Variants in SLC10A6 observed in about 807,000 individuals in gnomAD.
The protein encoded by SLC10A6 is sodium-dependent organic anion transporter.
A neutral mutation model predicts 30.0 loss-of-function variants in SLC10A6; 27 were observed. The observed-to-expected ratio is 0.90, with a 90% CI of 0.66 to 1.24. The LOEUF (loss-of-function observed/expected upper bound fraction) is 1.24. Among genes scored for constraint, SLC10A6 ranks in the 50% most tolerant of loss-of-function variants. SLC10A6 has a pLI of 0.00. For missense variants in SLC10A6, 439 were observed against 457.0 expected, an observed-to-expected ratio of 0.96 and a Z score of 0.36; for synonymous variants, 166 against 173.8, an observed-to-expected ratio of 0.95 and a Z score of 0.36.
At position 86,838,718 on chromosome 4, in the gene SLC10A6, T is replaced by A. The variant is rs181679891; in HGVS notation, c.378-5294A>T. Among the ~76,000 whole-genome samples, 61 of 150,926 alleles carry A rather than the reference T, an allele frequency of 4.0e-4. No individual in the cohort carries two copies. The East Asian group carries it at 0.011, about 28-fold the overall frequency. On this transcript the variant is annotated intron_variant, in intron 1 of 5. Transcript: ENST00000273905. Reference sequence around the variant, plus strand: ...CGTGCAGATTACCTGAGGTCAGGAGTTCGAGACCAGCTTGGCCAACATGGT... The same window carrying A: ...CGTGCAGATTACCTGAGGTCAGGAGATCGAGACCAGCTTGGCCAACATGGT...
At chr4:86,837,578 T>C in intron 1 of SLC10A6, 1 of 984,942 alleles carries the variant, frequency 1.0e-6, no homozygotes, top group Non-Finnish European at 1.2e-6. Context: ...CTTACCCCAC[T>C]TTTTGGTGCC....
rs1176698476 is a variant in SLC10A6 at position 86,831,815 on chromosome 4, T to C, written c.562A>G (p.Lys188Glu). ...ACCTTGAGAATGATTTTGGATTGTT[T>C]TGGCCATCTGTAATTCACATAGACA... is the stretch of plus-strand genomic sequence containing the variant. ...FGVYVNYRWP[K>E]QSKIILKIGA... Residue 188 changes from lysine to glutamate, a missense_variant, in exon 3 of 6, where the codon AAA (lysine) becomes GAA (glutamate). Lys to Glu is a moderately conservative substitution (Grantham distance 56, BLOSUM62 1). Coordinates refer to ENST00000273905, the MANE Select transcript of SLC10A6 (RefSeq NM_197965.3). 6.2e-6 allele frequency: 10 copies of C among 1,613,400 alleles called. No homozygotes were observed. The Admixed American group carries it at 1.3e-4, about 22-fold the overall frequency.
chr4:86,833,464 G>T, intron 1 of SLC10A6, 40 bp from the exon 2 acceptor site: 2 of 1,488,808 alleles, frequency 1.3e-6, no homozygotes, highest in South Asian at 1.1e-5. Flanking sequence ...AGGGAGCATT[G>T]GACATGAAGA....
chr4:86,825,658 T>C (rs955834078), intron 4 of SLC10A6, 81 bp from the exon 5 acceptor site: 1 of 1,370,862 alleles, frequency 7.3e-7, no homozygotes, highest in African/African-American at 1.4e-5. Flanking sequence ...ATCATAACAA[T>C]TAGAAGCTAT....
In SLC10A6 at chr4:86,828,128, G is replaced by A; in HGVS notation, c.626C>T (p.Ala209Val). The A allele has an allele frequency of 6.2e-7, 1 of 1,613,682 alleles. No individual in the cohort carries two copies. The highest frequency in any genetic ancestry group is 8.5e-7 in the Non-Finnish European group (1 of 1,179,800). The change falls in exon 4 of 6, where the codon GCA becomes GTA. Residue 209 changes from alanine to valine, a missense_variant. Ala to Val is a moderately conservative substitution (Grantham distance 64). Coordinates refer to ENST00000273905, the MANE Select transcript of SLC10A6 (RefSeq NM_197965.3). ...VVGGVLLLVV[A>V]VAGVVLAKGS... ...TTTCGCCAGGACCACACCAGCAACT[G>A]CGACCACCAGAAGGAGGACCCCACC...
chr4:86,824,447 C>A (rs1351286301), intron 5 of SLC10A6, among the ~76,000 whole-genome samples: 1 of 152,104 alleles, frequency 6.6e-6, no homozygotes, highest in Non-Finnish European at 1.5e-5. Flanking sequence ...ATAATAATAA[C>A]AATCAGCAAT....
At chr4:86,841,399 C>G (rs571316866) in intron 1 of SLC10A6, among the ~76,000 whole-genome samples, 14 of 152,290 alleles carry the variant, frequency 9.2e-5, no homozygotes, top group Admixed American at 1.3e-4. Context: ...CCTGTGAGTA[C>G]AGTGGAAAGT....
chr4:86,848,659 A>C, intron 1 of SLC10A6, 80 bp downstream of exon 1: 1 of 1,440,900 alleles, frequency 6.9e-7, no homozygotes, highest in Non-Finnish European at 9.4e-7. Flanking sequence ...AGATTAGAAG[A>C]GTGTTTAACA....
intron 4 of SLC10A6, among the ~76,000 whole-genome samples, chr4:86,825,962 G>A (rs1011389373): frequency 2.6e-5 from 4 of 151,764 alleles, no homozygotes; most frequent in African/African-American, 7.3e-5. Context: ...TTTGATGAGG[G>A]GGAAATATTA....
At chr4:86,831,520 A>T (rs1746081009) in intron 3 of SLC10A6, among the ~76,000 whole-genome samples, 1 of 152,210 alleles carries the variant, frequency 6.6e-6, no homozygotes, top group Admixed American at 6.5e-5. Flanking sequence ...TTCTGTCCAC[A>T]CACAGGCTTT....
chr4:86,836,724 A>G (rs1460562394), intron 1 of SLC10A6, among the ~76,000 whole-genome samples: 2 of 152,120 alleles, frequency 1.3e-5, no homozygotes, highest in Non-Finnish European at 2.9e-5. Context: ...ACTGCTTCAC[A>G]CATTTGTAAT....
rs1257441797 is a variant in SLC10A6, at chr4:86,831,889, A to C, written c.497-9T>G. 1.1e-5 allele frequency: 18 copies of C among 1,609,718 alleles called. No homozygotes were observed. Among genetic ancestry groups the C allele is most frequent in the Non-Finnish European group, 1.4e-5 (17 of 1,177,292 alleles). ...GCACACAAGGGTAATTCCTAAAGAG[A>C]AGAAAAATCCATGAGAGGGTTTTCC... is the stretch of plus-strand genomic sequence containing the variant. On this transcript the variant is annotated splice_polypyrimidine_tract_variant and intron_variant, in intron 2 of 5. Transcript: ENST00000273905.
At chr4:86,842,678 A>G (rs1362531780) in intron 1 of SLC10A6, among the ~76,000 whole-genome samples, 1 of 149,290 alleles carries the variant, frequency 6.7e-6, no homozygotes, top group Non-Finnish European at 1.5e-5. Flanking sequence ...GTCTGATGAC[A>G]GAGTCTAAGA....
intron 3 of SLC10A6, among the ~76,000 whole-genome samples, chr4:86,828,384 C>T (rs1746030869): frequency 6.6e-6 from 1 of 152,084 alleles, no homozygotes; most frequent in African/African-American, 2.4e-5. Flanking sequence ...GAGTTTGACA[C>T]AAATCTAAGT....
At chr4:86,848,606 C>T in intron 1 of SLC10A6, 133 bp downstream of exon 1, 2 of 1,202,130 alleles carry the variant, frequency 1.7e-6, no homozygotes, top group South Asian at 3.0e-5. Flanking sequence ...CTGAACAAGT[C>T]TCTGTGATAT....
At chr4:86,846,322 T>C (rs1394863916) in intron 1 of SLC10A6, among the ~76,000 whole-genome samples, 3 of 152,138 alleles carry the variant, frequency 2.0e-5, no homozygotes, top group South Asian at 4.1e-4. Flanking sequence ...AATCAAAATT[T>C]AGAAAGAAAA....
At position 86,829,539 on chromosome 4, in the gene SLC10A6, A is replaced by G. The variant is rs941510148; in HGVS notation, c.586-1371T>C. ...CTTAAGTTTGTTCAGAAAATGTGTC[A>G]GATCTAAAATTAAAATGGAACTAAG... On this transcript the variant is annotated intron_variant, in intron 3 of 5. Coordinates refer to ENST00000273905, the MANE Select transcript of SLC10A6 (RefSeq NM_197965.3). Among the ~76,000 whole-genome samples, 69 of 151,950 alleles carry G rather than the reference A, an allele frequency of 4.5e-4. 2 individuals carry two copies. Among genetic ancestry groups the G allele is most frequent in the Admixed American group, 3.9e-3 (60 of 15,234 alleles).
intron 3 of SLC10A6, among the ~76,000 whole-genome samples, 176 bp from the exon 4 acceptor site, chr4:86,828,344 C>G (rs761353167): frequency 3.9e-5 from 6 of 152,088 alleles, no homozygotes; most frequent in South Asian, 2.1e-4. Context: ...CCAAAGTGGT[C>G]AAGTAACTTG....
intron 5 of SLC10A6, among the ~76,000 whole-genome samples, chr4:86,824,972 A>G (rs1212191916): frequency 6.6e-6 from 1 of 152,252 alleles, no homozygotes; most frequent in Non-Finnish European, 1.5e-5. Flanking sequence ...TTAATATTTG[A>G]AAAACATTTC....
Sources: gnomAD v4.1 joint callset for allele counts (sites outside exome capture counted in the v4.1 genomes callset) on GRCh38, gnomAD v4.1.1 for gene constraint, MANE v1.5 for transcripts, NCBI Gene and HGNC (gene_info 2026-07-23, HGNC 2026-07-21) for gene names.